The following CDYL2 variants were observed in gnomAD, a reference collection of about 807,000 sequenced individuals.
CDYL2 encodes the protein chromodomain Y like 2.
CDYL2 carries 23 observed loss-of-function variants against 49.4 expected under a neutral mutation model. The observed-to-expected ratio is 0.47, with a 90% CI of 0.34 to 0.66. CDYL2 has a LOEUF of 0.66. Ranked by LOEUF, CDYL2 falls within the 30% of genes least tolerant of loss-of-function variation. The pLI is 0.01. For synonymous variants in CDYL2, 360 were observed against 268.8 expected (o/e 1.34, Z -3.32); for missense variants, 678 against 656.4 (o/e 1.03, Z -0.36).
chr16:80,800,013 T>C (rs1907878850), intron 1 of CDYL2, among the ~76,000 whole-genome samples: 1 of 152,242 alleles, frequency 6.6e-6, no homozygotes, highest in Non-Finnish European at 1.5e-5. Flanking sequence ...GACGTCTGTG[T>C]GGGTTCATAT....
chr16:80,804,079 CCCGCCGCCCGCCG>C (rs1227856622), intron 1 of CDYL2, 58 bp downstream of exon 1: 364 of 958,112 alleles, frequency 3.8e-4, no homozygotes, highest in East Asian at 3.0e-3. Flanking sequence ...CGGCCCGGTC[CCCGCCGCCCGCCG>C]CCGCCGCCCG....
intron 2 of CDYL2, among the ~76,000 whole-genome samples, chr16:80,672,900 T>C (rs1909588507): frequency 6.6e-6 from 1 of 152,242 alleles, no homozygotes; most frequent in East Asian, 1.9e-4. Flanking sequence ...CATTGGGCAC[T>C]AGGAAGGCTC....
chr16:80,681,423 C>T (rs1163733512), intron 2 of CDYL2, among the ~76,000 whole-genome samples: 1 of 152,200 alleles, frequency 6.6e-6, no homozygotes, highest in African/African-American at 2.4e-5. Flanking sequence ...AAGCTTCCCT[C>T]TGGCTGAAAA....
At chr16:80,711,026 C>A (rs933128670) in intron 1 of CDYL2, among the ~76,000 whole-genome samples, 2 of 152,194 alleles carry the variant, frequency 1.3e-5, no homozygotes, top group Non-Finnish European at 1.5e-5. Context: ...AGCCCTGCTG[C>A]TTGCTGTAAA....
At position 80,804,497 on chromosome 16, in the gene CDYL2, C is replaced by T. The variant is rs1027374345; in HGVS notation, c.-324G>A. ...CCCGAGCGCCGCGGCCCCCGCGACC[C>T]GGCGACCCGGCGGCGGTGGCTGCAG... On this transcript the variant is annotated 5_prime_UTR_variant, in exon 1 of 7. Transcript: ENST00000570137. 3.9e-4 allele frequency among the ~76,000 whole-genome samples: 56 copies of T among 143,720 alleles called. No individual in the cohort carries two copies. Among genetic ancestry groups the T allele is most frequent in the Non-Finnish European group, 3.7e-4 (24 of 65,028 alleles). 94.3% of individuals were successfully genotyped at this position (143,720 alleles called of 152,430 possible).
intron 4 of CDYL2, among the ~76,000 whole-genome samples, chr16:80,615,717 C>A (rs539129525): frequency 1.8e-4 from 27 of 152,232 alleles, no homozygotes; most frequent in South Asian, 1.0e-3. Context: ...ATCCATGAAA[C>A]GGAATCAGGG....
intron 2 of CDYL2, among the ~76,000 whole-genome samples, chr16:80,672,318 T>TACAC (rs68135845): frequency 7.9e-4 from 100 of 126,946 alleles, no homozygotes; most frequent in African/African-American, 1.7e-3. Context: ...TACAAAATGT[T>TACAC]ACACACACAC....
chr16:80,725,560 G>A (rs929054690), intron 1 of CDYL2, among the ~76,000 whole-genome samples: 10 of 152,174 alleles, frequency 6.6e-5, no homozygotes, highest in South Asian at 2.1e-4. Context: ...TACAGTCTAC[G>A]AATCTCAGTC....
intron 1 of CDYL2, among the ~76,000 whole-genome samples, chr16:80,782,318 G>C (rs1907295325): frequency 6.6e-6 from 1 of 151,806 alleles, no homozygotes; most frequent in Admixed American, 6.6e-5. Context: ...GAATAGATCT[G>C]TAACATGTAA....
intron 1 of CDYL2, among the ~76,000 whole-genome samples, chr16:80,764,862 C>G (rs982935430): frequency 1.3e-5 from 2 of 151,634 alleles, no homozygotes; most frequent in Non-Finnish European, 2.9e-5. Flanking sequence ...AGATCAAGAC[C>G]ATTCTGGCTA....
At chr16:80,700,793 A>G (rs1028492148) in intron 1 of CDYL2, among the ~76,000 whole-genome samples, 2 of 152,266 alleles carry the variant, frequency 1.3e-5, no homozygotes, top group African/African-American at 4.8e-5. Context: ...CACATAGTAC[A>G]TAGGTTCACA....
chr16:80,752,005 A>G (rs1906153939), intron 1 of CDYL2, among the ~76,000 whole-genome samples: 1 of 152,238 alleles, frequency 6.6e-6, no homozygotes, highest in African/African-American at 2.4e-5. Context: ...AAGCAGGACC[A>G]AGTGTCAAAA....
At chr16:80,715,182 G>C (rs1235893472) in intron 1 of CDYL2, among the ~76,000 whole-genome samples, 1 of 152,160 alleles carries the variant, frequency 6.6e-6, no homozygotes, top group Non-Finnish European at 1.5e-5. Context: ...ATGTGGGTCA[G>C]GTCAGCAAAG....
In CDYL2 at chr16:80,729,213, G is replaced by A. The variant is rs140866665; in HGVS notation, c.25-44084C>T. The stretch of plus-strand genomic sequence containing the variant: ...GTTGTATTCAGGAAACCCATTTCAC[G>A]TGCAGAGACACACATAGGCTCAAAA... On this transcript the variant is annotated intron_variant, in intron 1 of 6. Transcript: ENST00000570137. Among the ~76,000 whole-genome samples, 1,161 of 152,258 alleles carry A rather than the reference G, an allele frequency of 7.6e-3. 19 individuals are homozygous for A. Among genetic ancestry groups the A allele is most frequent in the African/African-American group, 0.026 (1,078 of 41,518 alleles).
At chr16:80,778,429 T>C (rs908669389) in intron 1 of CDYL2, among the ~76,000 whole-genome samples, 4 of 151,894 alleles carry the variant, frequency 2.6e-5, no homozygotes, top group Admixed American at 6.6e-5. Context: ...GGTAAGATGA[T>C]ATAATTTAAG....
intron 1 of CDYL2, among the ~76,000 whole-genome samples, chr16:80,732,709 C>G (rs905615549): frequency 5.3e-5 from 8 of 152,136 alleles, no homozygotes; most frequent in African/African-American, 1.7e-4. Flanking sequence ...TACAAGGAAG[C>G]CTAAGAATCC....
intron 2 of CDYL2, among the ~76,000 whole-genome samples, chr16:80,636,547 A>G (rs1907834666): frequency 6.6e-6 from 1 of 152,254 alleles, no homozygotes; most frequent in African/African-American, 2.4e-5. Flanking sequence ...TTAAGAAGTC[A>G]GGAAACAACA....
chr16:80,672,318 TACACAC>T (rs68135845), intron 2 of CDYL2, among the ~76,000 whole-genome samples: 1,830 of 126,916 alleles, frequency 0.014, 21 homozygotes, highest in African/African-American at 0.015. Context: ...TACAAAATGT[TACACAC>T]ACACACACAC....
chr16:80,753,322 T>C (rs1044008724), intron 1 of CDYL2, among the ~76,000 whole-genome samples: 1 of 151,912 alleles, frequency 6.6e-6, no homozygotes, highest in African/African-American at 2.4e-5. Flanking sequence ...AAAAAATCAA[T>C]TCCAGGCCGG....
Sources: allele counts gnomAD v4.1 joint callset (sites outside exome capture counted in the v4.1 genomes callset), GRCh38; gene constraint gnomAD v4.1.1; transcripts MANE v1.5; gene names NCBI Gene and HGNC (gene_info 2026-07-23, HGNC 2026-07-21).